The following C1orf21 variants were observed in gnomAD, a reference collection of about 807,000 sequenced individuals.
C1orf21 encodes uncharacterized protein C1orf21.
A neutral mutation model predicts 18.7 loss-of-function variants in C1orf21; 3 were observed. The observed-to-expected ratio is 0.16, with a 90% CI of 0.07 to 0.42. C1orf21 has a LOEUF of 0.42. C1orf21 is among the 10% of genes least tolerant of loss of function. C1orf21 has a pLI of 0.99. For missense variants in C1orf21, 104 were observed against 143.6 expected (o/e 0.72, Z 1.41); for synonymous variants, 41 against 46.4 (o/e 0.88, Z 0.47).
chr1:184,590,670 A>G, intron 3 of C1orf21, 69 bp from the exon 4 acceptor site: 1 of 1,472,090 alleles, frequency 6.8e-7, no homozygotes, highest in Non-Finnish European at 9.5e-7. Flanking sequence ...TGTGTGATGA[A>G]AACTCATACA....
chr1:184,571,268 G>T (rs1483923294), intron 3 of C1orf21, among the ~76,000 whole-genome samples: 1 of 132,666 alleles, frequency 7.5e-6, no homozygotes, highest in East Asian at 2.2e-4. Context: ...CTGCACTCCA[G>T]CCTGGGCGAC....
At chr1:184,547,735 G>A (rs536989834) in intron 3 of C1orf21, among the ~76,000 whole-genome samples, 1 of 152,134 alleles carries the variant, frequency 6.6e-6, no homozygotes, top group South Asian at 2.1e-4. Flanking sequence ...TTGAATAGAT[G>A]AAATGAGCAT....
chr1:184,515,710 T>G (rs1658214646), intron 3 of C1orf21, among the ~76,000 whole-genome samples: 1 of 152,230 alleles, frequency 6.6e-6, no homozygotes, highest in Non-Finnish European at 1.5e-5. Context: ...ACATTTGTCA[T>G]TATCAGCCCA....
At chr1:184,607,361 T>G (rs2102006280) in intron 5 of C1orf21, among the ~76,000 whole-genome samples, 1 of 151,170 alleles carries the variant, frequency 6.6e-6, no homozygotes, top group South Asian at 2.1e-4. Flanking sequence ...TGGAATATAT[T>G]TATAACACTT....
chr1:184,441,554 A>G (rs953222862), intron 1 of C1orf21, among the ~76,000 whole-genome samples: 1 of 152,170 alleles, frequency 6.6e-6, no homozygotes, highest in Admixed American at 6.6e-5. Flanking sequence ...GATTATTATA[A>G]TGTGTGATTA....
intron 4 of C1orf21, among the ~76,000 whole-genome samples, chr1:184,595,083 G>T (rs1474165991): frequency 6.6e-6 from 1 of 152,172 alleles, no homozygotes; most frequent in Non-Finnish European, 1.5e-5. Flanking sequence ...CTGACCAAGG[G>T]CACAGGGAGT....
At chr1:184,472,770 T>C (rs576895347) in intron 1 of C1orf21, among the ~76,000 whole-genome samples, 2 of 152,348 alleles carry the variant, frequency 1.3e-5, no homozygotes, top group East Asian at 3.9e-4. Context: ...ATATGTGATA[T>C]GTATTCATAC....
intron 3 of C1orf21, among the ~76,000 whole-genome samples, chr1:184,517,485 A>G (rs539135781): frequency 6.6e-6 from 1 of 152,324 alleles, no homozygotes; most frequent in Admixed American, 6.5e-5. Flanking sequence ...AATAGCCCCA[A>G]TTTCCCAAGC....
chr1:184,390,959 G>A (rs1400054275), intron 1 of C1orf21, among the ~76,000 whole-genome samples: 1 of 152,208 alleles, frequency 6.6e-6, no homozygotes, highest in African/African-American at 2.4e-5. Context: ...GATTGCGACA[G>A]TGAAACTATA....
At chr1:184,446,364 G>A (rs923491280) in intron 1 of C1orf21, among the ~76,000 whole-genome samples, 1 of 151,976 alleles carries the variant, frequency 6.6e-6, no homozygotes, top group African/African-American at 2.4e-5. Context: ...TTCCCAAGCG[G>A]CAAGTATGAT....
intron 1 of C1orf21, among the ~76,000 whole-genome samples, chr1:184,467,240 A>G (rs1439566562): frequency 6.6e-6 from 1 of 152,184 alleles, no homozygotes; most frequent in South Asian, 2.1e-4. Flanking sequence ...CAGACCTACT[A>G]TGAGCCTGAC....
intron 1 of C1orf21, among the ~76,000 whole-genome samples, chr1:184,464,560 AG>A: frequency 6.6e-6 from 1 of 152,340 alleles, no homozygotes; most frequent in Non-Finnish European, 1.5e-5. Context: ...ATAGCAAGAG[AG>A]ACAAATACAG....
chr1:184,579,981 C>A (rs1193975401), intron 3 of C1orf21, among the ~76,000 whole-genome samples: 1 of 152,172 alleles, frequency 6.6e-6, no homozygotes, highest in Non-Finnish European at 1.5e-5. Context: ...GGAGCCTTGT[C>A]ATGGTGGAGA....
intron 3 of C1orf21, among the ~76,000 whole-genome samples, chr1:184,578,438 T>C (rs2101993292): frequency 6.6e-6 from 1 of 152,348 alleles, no homozygotes; most frequent in South Asian, 2.1e-4. Flanking sequence ...GGTAGGGTTG[T>C]ATGTATGCAG....
At chr1:184,389,315 T>G (rs1436867286) in intron 1 of C1orf21, among the ~76,000 whole-genome samples, 1 of 152,196 alleles carries the variant, frequency 6.6e-6, no homozygotes, top group Non-Finnish European at 1.5e-5. Context: ...AAAAATGGCC[T>G]TGGGTGGTAG....
intron 1 of C1orf21, among the ~76,000 whole-genome samples, chr1:184,397,929 G>C (rs1656088178): frequency 6.6e-6 from 1 of 152,178 alleles, no homozygotes; most frequent in East Asian, 1.9e-4. Context: ...TTTGATTCCA[G>C]AAGTGGAGGC....
intron 3 of C1orf21, among the ~76,000 whole-genome samples, chr1:184,589,651 T>C (rs1237649323): frequency 6.6e-6 from 1 of 152,258 alleles, no homozygotes; most frequent in Non-Finnish European, 1.5e-5. Context: ...TGATTGTTTC[T>C]TTTCCTAAAA....
chr1:184,396,616 T>C (rs1351196175), intron 1 of C1orf21, among the ~76,000 whole-genome samples: 1 of 152,198 alleles, frequency 6.6e-6, no homozygotes, highest in Non-Finnish European at 1.5e-5. Context: ...TGGTCTATAA[T>C]TCAGAAGAGA....
Position 184,621,012 on chromosome 1 carries a change from C to T in C1orf21, c.*1456C>T, listed in dbSNP as rs1366021841. On this transcript the variant is annotated 3_prime_UTR_variant, in exon 6 of 6. Transcript: ENST00000235307. ...CAAAATCACAGGAGCACTGTATGTT[C>T]CTCTCTTTTGGAGTTGTGACTTTGA... The T allele has an allele frequency of 2.0e-5, 3 of 152,546 alleles. No homozygotes were observed. Among genetic ancestry groups the T allele is most frequent in the Non-Finnish European group, 4.4e-5 (3 of 68,034 alleles). 9.4% of individuals were successfully genotyped at this position (152,546 alleles called of 1,614,324 possible). A position where few individuals can be genotyped will look rare whatever the true frequency, so the allele number is the denominator to read the frequency against.
Sources: gnomAD v4.1 joint callset for allele counts (sites outside exome capture counted in the v4.1 genomes callset) on GRCh38, gnomAD v4.1.1 for gene constraint, MANE v1.5 for transcripts, NCBI Gene and HGNC (gene_info 2026-07-23, HGNC 2026-07-21) for gene names.